ANO3: variants seen among roughly 807,000 people sequenced by gnomAD.
ANO3 encodes anoctamin 3.
In ANO3, 99 loss-of-function variants were observed where a neutral mutation model predicts 144.8. That is an observed-to-expected ratio of 0.68 (90% CI 0.58 to 0.81). ANO3 has a LOEUF of 0.81. Ranked by LOEUF, ANO3 falls within the 30% of genes least tolerant of loss-of-function variation. ANO3 has a pLI of 0.00. For missense variants in ANO3, 905 were observed against 1,202.2 expected (o/e 0.75, Z 3.66); for synonymous variants, 414 against 392.6 (o/e 1.05, Z -0.64).
intron 5 of ANO3, among the ~76,000 whole-genome samples, chr11:26,510,731 T>G (rs1057375577): frequency 4.6e-5 from 7 of 152,214 alleles, no homozygotes; most frequent in Admixed American, 2.6e-4. Context: ...AATCTGTATA[T>G]TCATAACAGG....
chr11:26,481,103 C>T (rs2134088180), intron 4 of ANO3, among the ~76,000 whole-genome samples: 1 of 151,548 alleles, frequency 6.6e-6, no homozygotes, highest in African/African-American at 2.4e-5. Context: ...AGTAATTGCA[C>T]CATAAAGAAA....
At chr11:26,242,482 T>G (rs1852683822) in intron 1 of ANO3, among the ~76,000 whole-genome samples, 2 of 152,212 alleles carry the variant, frequency 1.3e-5, no homozygotes, top group Non-Finnish European at 2.9e-5. Context: ...TTTACCCAAT[T>G]CTGTAGCCCT....
intron 1 of ANO3, among the ~76,000 whole-genome samples, chr11:26,337,181 G>A (rs1439207982): frequency 6.6e-6 from 1 of 152,158 alleles, no homozygotes; most frequent in East Asian, 1.9e-4. Flanking sequence ...AAGTGTCTGG[G>A]ACTGTAACTT....
At chr11:26,500,949 T>C (rs373164675) in intron 4 of ANO3, among the ~76,000 whole-genome samples, 2 of 152,154 alleles carry the variant, frequency 1.3e-5, no homozygotes, top group African/African-American at 4.8e-5. Flanking sequence ...AATCTAGAAC[T>C]ACTAGGTAAA....
chr11:26,638,553 TC>T (rs1203447871), intron 20 of ANO3, among the ~76,000 whole-genome samples: 1 of 152,116 alleles, frequency 6.6e-6, no homozygotes, highest in Non-Finnish European at 1.5e-5. Flanking sequence ...TGGGGTTGGA[TC>T]CTGGAGCAAA....
chr11:26,377,743 A>T (rs78151300), intron 1 of ANO3, among the ~76,000 whole-genome samples: 4,822 of 152,252 alleles, frequency 0.032, 96 homozygotes, highest in East Asian at 0.13. Context: ...AAAACTGCAG[A>T]ATTTAAGACA....
intron 1 of ANO3, among the ~76,000 whole-genome samples, chr11:26,315,780 TTAAA>T (rs1468711537): frequency 1.3e-5 from 2 of 152,032 alleles, no homozygotes; most frequent in Non-Finnish European, 2.9e-5. Flanking sequence ...TTTGAATCAT[TTAAA>T]TAAATATTCT....
intron 1 of ANO3, among the ~76,000 whole-genome samples, chr11:26,431,535 TTTTG>T (rs1304611009): frequency 1.3e-5 from 2 of 152,180 alleles, no homozygotes; most frequent in African/African-American, 2.4e-5. Flanking sequence ...CAATAGTTAT[TTTTG>T]TTTGTCTCCC....
chr11:26,352,412 G>T (rs2133914195), intron 1 of ANO3, among the ~76,000 whole-genome samples: 1 of 152,150 alleles, frequency 6.6e-6, no homozygotes, highest in Non-Finnish European at 1.5e-5. Flanking sequence ...GTAGGGTCTA[G>T]ATTCTGGGCT....
At chr11:26,441,126 T>G (rs943225794) in intron 1 of ANO3, among the ~76,000 whole-genome samples, 1 of 136,956 alleles carries the variant, frequency 7.3e-6, no homozygotes, top group African/African-American at 2.8e-5. Flanking sequence ...TTTTTTTTTT[T>G]TTTTTTTTTG....
At chr11:26,529,984 A>G (rs1184606209) in intron 7 of ANO3, among the ~76,000 whole-genome samples, 1 of 152,192 alleles carries the variant, frequency 6.6e-6, no homozygotes, top group African/African-American at 2.4e-5. Context: ...GTGGTTAGCA[A>G]TATGAGTGTC....
chr11:26,402,915 C>CTTGCAACT (rs1284969317), intron 1 of ANO3, among the ~76,000 whole-genome samples: 1 of 151,732 alleles, frequency 6.6e-6, no homozygotes. Context: ...AATTAGGGTT[C>CTTGCAACT]CTTCAGAATT....
At chr11:26,262,467 C>T (rs1443424704) in intron 1 of ANO3, among the ~76,000 whole-genome samples, 2 of 152,076 alleles carry the variant, frequency 1.3e-5, no homozygotes, top group African/African-American at 4.8e-5. Context: ...TTCAGCTTCT[C>T]TTATAAGAGA....
chr11:26,533,129 A>T (rs973527302), intron 8 of ANO3, among the ~76,000 whole-genome samples: 1 of 152,204 alleles, frequency 6.6e-6, no homozygotes, highest in African/African-American at 2.4e-5. Context: ...GTGCATATTA[A>T]CTTAAATGAT....
chr11:26,542,122 T>C, intron 11 of ANO3, 54 bp downstream of exon 11: 3 of 1,562,808 alleles, frequency 1.9e-6, no homozygotes, highest in East Asian at 2.3e-5. Flanking sequence ...TGTGTCATTG[T>C]CTTAGACTTG....
At chr11:26,565,607 T>C (rs1314002762) in intron 14 of ANO3, 1 of 1,613,222 alleles carries the variant, frequency 6.2e-7, no homozygotes, top group Non-Finnish European at 8.5e-7. Flanking sequence ...AGAAATCTGT[T>C]ATTCCGTGGC....
At chr11:26,239,207 G>T (rs900113247) in intron 1 of ANO3, among the ~76,000 whole-genome samples, 1 of 151,608 alleles carries the variant, frequency 6.6e-6, no homozygotes, top group Non-Finnish European at 1.5e-5. Flanking sequence ...TGCTTCTTTA[G>T]GCAGAAAAAT....
intron 4 of ANO3, among the ~76,000 whole-genome samples, chr11:26,467,612 T>G (rs902187691): frequency 4.6e-5 from 7 of 151,908 alleles, no homozygotes; most frequent in Admixed American, 2.0e-4. Flanking sequence ...TGACAGGGTC[T>G]CATTCTTTTA....
intron 1 of ANO3, among the ~76,000 whole-genome samples, chr11:26,348,680 T>C (rs888579449): frequency 1.1e-4 from 17 of 152,206 alleles, no homozygotes; most frequent in Admixed American, 3.3e-4. Flanking sequence ...TCTTGAAACA[T>C]AGCAAAAGCA....
Sources: gnomAD v4.1 joint callset for allele counts (sites outside exome capture counted in the v4.1 genomes callset) on GRCh38, gnomAD v4.1.1 for gene constraint, MANE v1.5 for transcripts, NCBI Gene and HGNC (gene_info 2026-07-23, HGNC 2026-07-21) for gene names.